Variants in VDAC1 observed in about 807,000 individuals in gnomAD.
VDAC1 encodes non-selective voltage-gated ion channel VDAC1.
In VDAC1, 10 loss-of-function variants were observed where a neutral mutation model predicts 34.7. That is an observed-to-expected ratio of 0.29 (90% CI 0.18 to 0.49). The LOEUF (loss-of-function observed/expected upper bound fraction) is 0.49. Ranked by LOEUF, VDAC1 falls within the 20% of genes least tolerant of loss-of-function variation. The pLI, the probability that VDAC1 is intolerant of heterozygous loss-of-function variation, is 0.99. For synonymous variants in VDAC1, 130 were observed against 136.0 expected (o/e 0.96, Z 0.30); for missense variants, 230 against 347.9 (o/e 0.66, Z 2.69).
Position 133,990,907 on chromosome 5 carries a change from G to A in VDAC1, c.271C>T (p.Leu91Phe). The part of the protein sequence containing the change: ...LGTEITVEDQ[L>F]ARGLKLTFDS... ...AAGGTCAGCTTCAGTCCACGTGCAAGCTGAACAGAAAAGAAATTTGCCACT... is the reference window on the plus strand; with the variant it reads ...AAGGTCAGCTTCAGTCCACGTGCAAACTGAACAGAAAAGAAATTTGCCACT... Residue 91 changes from leucine (L) to phenylalanine (F), a missense_variant and splice_region_variant, in exon 5 of 9, where the codon CTT (leucine) becomes TTT (phenylalanine). By Grantham distance (22) the Leu-to-Phe change is conservative. Coordinates refer to ENST00000265333, the MANE Select transcript of VDAC1 (RefSeq NM_003374.3). 1 of 1,584,884 alleles carries A rather than the reference G, an allele frequency of 6.3e-7. No homozygotes were observed. Among genetic ancestry groups the A allele is most frequent in the South Asian group, 1.2e-5 (1 of 85,214 alleles).
the VDAC1 span, among the ~76,000 whole-genome samples, chr5:134,113,135 A>G: frequency 6.6e-6 from 1 of 152,132 alleles, no homozygotes; most frequent in Non-Finnish European, 1.5e-5. Flanking sequence ...TTCCCCGCCA[A>G]TCCGGAGCAG....
chr5:134,020,977 A>C, the VDAC1 span, among the ~76,000 whole-genome samples: 3 of 147,252 alleles, frequency 2.0e-5, no homozygotes, highest in Admixed American at 7.0e-5. Flanking sequence ...GGGCAACATA[A>C]GGAGACCTTG....
chr5:134,039,490 G>C, the VDAC1 span, among the ~76,000 whole-genome samples: 4 of 140,182 alleles, frequency 2.9e-5, no homozygotes, highest in Non-Finnish European at 4.7e-5. Context: ...CACCACGCCC[G>C]GCTAATTTTT....
the VDAC1 span, among the ~76,000 whole-genome samples, chr5:134,023,241 C>T: frequency 5.9e-5 from 9 of 151,946 alleles, no homozygotes; most frequent in Non-Finnish European, 8.8e-5. Context: ...AACCAAACAC[C>T]GAATGTTCTC....
At chr5:133,979,642 C>CTGG (rs1398113039) in intron 6 of VDAC1, among the ~76,000 whole-genome samples, 1 of 152,070 alleles carries the variant, frequency 6.6e-6, no homozygotes, top group Non-Finnish European at 1.5e-5. Flanking sequence ...CTTGACCAGG[C>CTGG]TGGTCTTGAA....
At chr5:134,091,706 G>A in the VDAC1 span, among the ~76,000 whole-genome samples, 1 of 152,218 alleles carries the variant, frequency 6.6e-6, no homozygotes, top group Non-Finnish European at 1.5e-5. Flanking sequence ...TCTATAAACA[G>A]ACTGTGTACC....
intron 7 of VDAC1, among the ~76,000 whole-genome samples, chr5:133,975,386 A>G (rs560662107): frequency 6.6e-6 from 1 of 152,198 alleles, no homozygotes; most frequent in African/African-American, 2.4e-5. Context: ...TACTAGTAGT[A>G]TGATCACTGT....
the VDAC1 span, among the ~76,000 whole-genome samples, chr5:134,107,082 G>T: frequency 6.0e-4 from 92 of 152,334 alleles, no homozygotes; most frequent in Non-Finnish European, 1.2e-3. Context: ...CCCTGCTCTA[G>T]CCTCCAGCCC....
At chr5:134,102,166 A>AG in the VDAC1 span, among the ~76,000 whole-genome samples, 17 of 151,892 alleles carry the variant, frequency 1.1e-4, no homozygotes, top group South Asian at 2.1e-4. Context: ...TCCAGCCACC[A>AG]GGGGGGGTCT....
chr5:134,011,301 C>G, the VDAC1 span, among the ~76,000 whole-genome samples: 1 of 152,100 alleles, frequency 6.6e-6, no homozygotes. Flanking sequence ...GCCCAGCCCC[C>G]TCTGCCCTCT....
In VDAC1 at chr5:133,983,079, G is replaced by T. The variant is rs548924818; in HGVS notation, c.324-2123C>A. Among the ~76,000 whole-genome samples, 4 of 150,012 alleles carry T rather than the reference G, an allele frequency of 2.7e-5. No homozygotes were observed. The South Asian group carries it at 8.4e-4, about 32-fold the overall frequency. ...AGCCTGACCAACACGGAGAAATCCC[G>T]TCTCTACTAAAAACACAAAATTAGC... On this transcript the variant is annotated intron_variant, in intron 5 of 8. Coordinates refer to ENST00000265333, the MANE Select transcript of VDAC1 (RefSeq NM_003374.3).
the VDAC1 span, among the ~76,000 whole-genome samples, chr5:134,061,527 A>G: frequency 6.6e-6 from 1 of 151,442 alleles, no homozygotes. Context: ...ACACACCACC[A>G]TACCCAGCTA....
the VDAC1 span, among the ~76,000 whole-genome samples, chr5:134,017,298 C>A: frequency 6.6e-6 from 1 of 151,910 alleles, no homozygotes; most frequent in Non-Finnish European, 1.5e-5. Flanking sequence ...GAAACCCCAT[C>A]TCTACTAAAA....
the VDAC1 span, among the ~76,000 whole-genome samples, chr5:134,105,438 T>C: frequency 1.3e-5 from 2 of 152,212 alleles, no homozygotes; most frequent in Non-Finnish European, 2.9e-5. Context: ...TTTCCACGTC[T>C]GTAAAATGGG....
intron 6 of VDAC1, among the ~76,000 whole-genome samples, chr5:133,978,997 C>A (rs974094649): frequency 3.3e-5 from 5 of 151,944 alleles, no homozygotes; most frequent in East Asian, 1.9e-4. Flanking sequence ...GAGAGTGAGA[C>A]CCTGTCACCA....
chr5:134,041,455 A>G, the VDAC1 span, among the ~76,000 whole-genome samples: 1 of 152,254 alleles, frequency 6.6e-6, no homozygotes, highest in African/African-American at 2.4e-5. Flanking sequence ...AGAGAAGGCC[A>G]GCCCTGATGG....
At chr5:134,052,969 G>T in the VDAC1 span, among the ~76,000 whole-genome samples, 2 of 152,142 alleles carry the variant, frequency 1.3e-5, no homozygotes, top group African/African-American at 4.8e-5. Flanking sequence ...TACAAAATCA[G>T]CTGGGCGTGG....
the VDAC1 span, among the ~76,000 whole-genome samples, chr5:134,091,260 A>G: frequency 0.038 from 5,779 of 152,220 alleles, 384 homozygotes; most frequent in African/African-American, 0.13. Flanking sequence ...TGTGCCCTGG[A>G]AATGCTCCCT....
the VDAC1 span, among the ~76,000 whole-genome samples, chr5:134,085,998 C>T: frequency 3.4e-4 from 52 of 152,018 alleles, no homozygotes; most frequent in African/African-American, 1.1e-3. Flanking sequence ...TTCAAGACCA[C>T]CCTGGACAAT....
Sources: allele counts gnomAD v4.1 joint callset (sites outside exome capture counted in the v4.1 genomes callset), GRCh38; gene constraint gnomAD v4.1.1; transcripts MANE v1.5; gene names NCBI Gene and HGNC (gene_info 2026-07-23, HGNC 2026-07-21).